NRF1: variants seen among roughly 807,000 people sequenced by gnomAD.
NRF1 encodes the protein alpha palindromic-binding protein.
NRF1 carries 5 observed loss-of-function variants against 58.5 expected under a neutral mutation model. The ratio of observed to expected loss-of-function variants is 0.09; its 90% CI spans 0.04 to 0.18. The LOEUF is 0.18. NRF1 is among the 10% of genes least tolerant of loss of function. The probability of loss-of-function intolerance (pLI) is 1.00; values close to 1 mark genes in which losing one functional copy is unlikely to be tolerated. For synonymous variants in NRF1, 224 were observed against 246.7 expected, an observed-to-expected ratio of 0.91 and a Z score of 0.86; for missense variants, 288 against 657.7, an observed-to-expected ratio of 0.44 and a Z score of 6.15.
chr7:129,645,226 T>C (rs1451922333), intron 1 of NRF1, among the ~76,000 whole-genome samples: 2 of 152,190 alleles, frequency 1.3e-5, no homozygotes, highest in African/African-American at 4.8e-5. Flanking sequence ...GTAGATTCTG[T>C]TATTTTCCTT....
At position 129,637,876 on chromosome 7, in the gene NRF1, T is replaced by A. The variant is rs1178191312; in HGVS notation, c.-6-19470T>A. Among the ~76,000 whole-genome samples the A allele has an allele frequency of 2.6e-5, 4 of 152,112 alleles. No individual in the cohort carries two copies. The East Asian group carries it at 5.8e-4, about 22-fold the overall frequency. Reference sequence around the variant, plus strand: ...TTTTTTTGTGATTTTATTTTTTGTTTTTTTTTTTCTAAGCTCATCAGCTAT... The same window carrying A: ...TTTTTTTGTGATTTTATTTTTTGTTATTTTTTTTCTAAGCTCATCAGCTAT... On this transcript the variant is annotated intron_variant, in intron 1 of 10. Coordinates refer to ENST00000393232, the MANE Select transcript of NRF1 (RefSeq NM_005011.5).
chr7:129,736,002 C>G (rs937090476), intron 10 of NRF1, among the ~76,000 whole-genome samples: 1 of 151,786 alleles, frequency 6.6e-6, no homozygotes, highest in Non-Finnish European at 1.5e-5. Context: ...GACTCCGTCT[C>G]AAAAAAATAA....
At chr7:129,733,597 C>T (rs1221173973) in intron 10 of NRF1, among the ~76,000 whole-genome samples, 1 of 152,186 alleles carries the variant, frequency 6.6e-6, no homozygotes, top group Non-Finnish European at 1.5e-5. Context: ...CAGCTTTCCC[C>T]AGGTTCAGGG....
intron 3 of NRF1, among the ~76,000 whole-genome samples, chr7:129,675,224 T>C (rs774280114): frequency 3.9e-5 from 6 of 152,220 alleles, no homozygotes; most frequent in Non-Finnish European, 7.3e-5. Context: ...GGGTCCACTT[T>C]TAATTCTGGT....
chr7:129,695,820 G>A (rs1029676039), intron 5 of NRF1, among the ~76,000 whole-genome samples: 1 of 150,742 alleles, frequency 6.6e-6, no homozygotes, highest in Non-Finnish European at 1.5e-5. Context: ...TACACATGGT[G>A]GCATTATAGG....
chr7:129,652,485 T>G (rs1050826708), intron 1 of NRF1, among the ~76,000 whole-genome samples: 7 of 152,214 alleles, frequency 4.6e-5, no homozygotes, highest in African/African-American at 1.7e-4. Flanking sequence ...TTAAAAGAAT[T>G]TATTTTTTAA....
intron 1 of NRF1, among the ~76,000 whole-genome samples, chr7:129,619,459 C>CATGTGT (rs1554401510): frequency 2.3e-4 from 14 of 61,150 alleles, no homozygotes; most frequent in African/African-American, 1.0e-3. Context: ...TATATATACA[C>CATGTGT]GTGTGTGTGT....
At chr7:129,640,048 T>C (rs1419430638) in intron 1 of NRF1, among the ~76,000 whole-genome samples, 2 of 152,312 alleles carry the variant, frequency 1.3e-5, no homozygotes, top group Non-Finnish European at 2.9e-5. Flanking sequence ...CTGAGAATCA[T>C]GCTGTCAGAC....
chr7:129,714,821 T>C (rs960558159), intron 8 of NRF1, among the ~76,000 whole-genome samples: 1 of 152,136 alleles, frequency 6.6e-6, no homozygotes, highest in Non-Finnish European at 1.5e-5. Flanking sequence ...GCAGGAAGCA[T>C]TTAAAATATC....
chr7:129,704,526 AACTT>A (rs1802905540), intron 5 of NRF1, among the ~76,000 whole-genome samples: 1 of 152,162 alleles, frequency 6.6e-6, no homozygotes, highest in South Asian at 2.1e-4. Flanking sequence ...CTTTGATAGA[AACTT>A]AATATAGATT....
At chr7:129,696,060 T>TAAA (rs11434445) in intron 5 of NRF1, among the ~76,000 whole-genome samples, 627 of 53,186 alleles carry the variant, frequency 0.012, 48 homozygotes, top group East Asian at 0.027. Flanking sequence ...CCGTCTCTAC[T>TAAA]AAAAAAAAAA....
intron 4 of NRF1, among the ~76,000 whole-genome samples, chr7:129,687,377 G>C (rs1802465901): frequency 6.6e-6 from 1 of 151,410 alleles, no homozygotes; most frequent in Non-Finnish European, 1.5e-5. Flanking sequence ...CCGGGTTCAA[G>C]CAATTCTCCT....
chr7:129,694,176 A>G (rs1343263920), intron 5 of NRF1, among the ~76,000 whole-genome samples: 1 of 152,214 alleles, frequency 6.6e-6, no homozygotes, highest in African/African-American at 2.4e-5. Flanking sequence ...AAAGTCAACC[A>G]TAACAAATAA....
chr7:129,660,794 A>C (rs552772238), intron 2 of NRF1, among the ~76,000 whole-genome samples: 1 of 150,624 alleles, frequency 6.6e-6, no homozygotes, highest in Admixed American at 6.6e-5. Context: ...TGGATCTACT[A>C]TTCTGGGGGC....
chr7:129,680,885 C>A (rs550257369), intron 4 of NRF1, among the ~76,000 whole-genome samples: 3 of 152,220 alleles, frequency 2.0e-5, no homozygotes, highest in East Asian at 1.9e-4. Flanking sequence ...AATTTTAGGA[C>A]CCTATGAGTA....
chr7:129,744,238 A>T (rs1175646261), intron 10 of NRF1: 1 of 1,547,182 alleles, frequency 6.5e-7, no homozygotes, highest in African/African-American at 1.4e-5. Flanking sequence ...AGGTGGGTTC[A>T]TCTTTGGGGA....
chr7:129,655,173 T>C (rs1261756689), intron 1 of NRF1, among the ~76,000 whole-genome samples: 2 of 152,244 alleles, frequency 1.3e-5, no homozygotes, highest in Non-Finnish European at 2.9e-5. Flanking sequence ...GTACATATTT[T>C]GTTAGATTTA....
chr7:129,755,283 G>A lies in NRF1; in HGVS notation c.*102G>A, dbSNP rs2116336050. The A allele has an allele frequency of 9.1e-7, 1 of 1,096,654 alleles. No homozygotes were observed. The highest frequency in any genetic ancestry group is 1.2e-6 in the Non-Finnish European group (1 of 832,016). 67.9% of individuals were successfully genotyped at this position (1,096,654 alleles called of 1,614,324 possible). Reference sequence around the variant, plus strand: ...GAATTAAGTCTCTCGACTTTGGAAGGAAAGTTTTGTTAACCTTTTTTTTTT... The same window carrying A: ...GAATTAAGTCTCTCGACTTTGGAAGAAAAGTTTTGTTAACCTTTTTTTTTT... On this transcript the variant is annotated 3_prime_UTR_variant, in exon 11 of 11. Coordinates refer to ENST00000393232, the MANE Select transcript of NRF1 (RefSeq NM_005011.5). This position sits in a 1 kb window ranked among gnomAD's most constrained non-coding sequence, Gnocchi z 5.8.
At chr7:129,650,687 A>T (rs1801513551) in intron 1 of NRF1, among the ~76,000 whole-genome samples, 1 of 152,076 alleles carries the variant, frequency 6.6e-6, no homozygotes, top group Non-Finnish European at 1.5e-5. Flanking sequence ...GGGTTATCTC[A>T]TTTAATCCTC....
Sources: allele counts gnomAD v4.1 joint callset (sites outside exome capture counted in the v4.1 genomes callset), GRCh38; gene constraint gnomAD v4.1.1; non-coding constraint Gnocchi (gnomAD v3.1); transcripts MANE v1.5; gene names NCBI Gene and HGNC (gene_info 2026-07-23, HGNC 2026-07-21).